The following LGR5 variants were observed in gnomAD, a reference collection of about 807,000 sequenced individuals.
The protein encoded by LGR5 is leucine rich repeat containing G protein-coupled receptor 5.
A neutral mutation model predicts 76.7 loss-of-function variants in LGR5; 54 were observed. That is an observed-to-expected ratio of 0.70 (90% CI 0.57 to 0.88). The LOEUF is 0.88. Ranked by LOEUF, LGR5 falls within the 40% of genes least tolerant of loss-of-function variation. The pLI is 0.00. For synonymous variants in LGR5, 406 were observed against 421.9 expected (o/e 0.96, Z 0.46); for missense variants, 1,078 against 1,073.3 (o/e 1.00, Z -0.06).
In LGR5 at chr12:71,458,814, G is replaced by A. The variant is rs577525349; in HGVS notation, c.212+18522G>A. 2.6e-5 allele frequency among the ~76,000 whole-genome samples: 4 copies of A among 152,048 alleles called. No individual in the cohort carries two copies. The East Asian group carries it at 7.7e-4, about 29-fold the overall frequency. On this transcript the variant is annotated intron_variant, in intron 1 of 17. Transcript: ENST00000266674. ...ATGTACACAATCCTTGCCTTTGTAT[G>A]GCAGCAGAAATTTTTTAAATGCATA...
At chr12:71,570,265 A>G (rs149789267) in intron 11 of LGR5, among the ~76,000 whole-genome samples, 1 of 152,308 alleles carries the variant, frequency 6.6e-6, no homozygotes, top group East Asian at 1.9e-4. Context: ...GCACACGTTT[A>G]CCTACGTAAC....
intron 1 of LGR5, among the ~76,000 whole-genome samples, chr12:71,464,655 C>T (rs904935491): frequency 4.6e-5 from 7 of 152,072 alleles, no homozygotes; most frequent in Admixed American, 4.6e-4. Flanking sequence ...GGGAAATAAT[C>T]GTAAGTCTAT....
chr12:71,576,225 G>T (rs1462524232), intron 13 of LGR5, among the ~76,000 whole-genome samples: 4 of 152,198 alleles, frequency 2.6e-5, no homozygotes, highest in African/African-American at 7.2e-5. Flanking sequence ...TGTCCTGCAC[G>T]TGTATCCTGG....
intron 1 of LGR5, among the ~76,000 whole-genome samples, chr12:71,452,652 C>T (rs569244704): frequency 2.0e-5 from 3 of 152,204 alleles, no homozygotes; most frequent in Admixed American, 1.3e-4. Flanking sequence ...CGTAGTTCCT[C>T]ATTTGACCCT....
intron 8 of LGR5, among the ~76,000 whole-genome samples, chr12:71,565,312 G>GGAGGTAATGAGCTTGCC (rs1203737641): frequency 1.3e-5 from 2 of 151,672 alleles, no homozygotes; most frequent in African/African-American, 2.4e-5. Context: ...TGAGGCTCTA[G>GGAGGTAATGAGCTTGCC]GAGGTAATGA....
intron 1 of LGR5, among the ~76,000 whole-genome samples, chr12:71,483,214 C>T (rs7306768): frequency 0.015 from 2,343 of 152,216 alleles, 66 homozygotes; most frequent in African/African-American, 0.053. Context: ...ACTGCTATTG[C>T]GTGTCTACTC....
At chr12:71,509,511 C>G (rs1181053397) in intron 2 of LGR5, among the ~76,000 whole-genome samples, 1 of 152,098 alleles carries the variant, frequency 6.6e-6, no homozygotes, top group East Asian at 1.9e-4. Context: ...CAGTATCTCT[C>G]CTCCTTCTAT....
At chr12:71,565,430 A>G (rs1359671572) in intron 8 of LGR5, among the ~76,000 whole-genome samples, 1 of 5,238 alleles carries the variant, frequency 1.9e-4, no homozygotes, top group African/African-American at 2.0e-4. Flanking sequence ...AGCTATATAT[A>G]TATATATATA....
chr12:71,497,084 T>G (rs978491283), intron 1 of LGR5, among the ~76,000 whole-genome samples: 15 of 151,734 alleles, frequency 9.9e-5, no homozygotes, highest in Non-Finnish European at 2.2e-4. Context: ...GAGGCCAAGG[T>G]GGGAGAATCA....
chr12:71,546,592 G>A (rs1429820006), intron 4 of LGR5, among the ~76,000 whole-genome samples: 1 of 151,908 alleles, frequency 6.6e-6, no homozygotes, highest in Non-Finnish European at 1.5e-5. Flanking sequence ...ATCTCTCATA[G>A]TAGGCCCTTC....
intron 3 of LGR5, among the ~76,000 whole-genome samples, chr12:71,533,650 C>T (rs753742134): frequency 2.6e-5 from 4 of 152,068 alleles, no homozygotes; most frequent in Non-Finnish European, 5.9e-5. Flanking sequence ...TTATTAGTTT[C>T]GAGAAAGGGC....
intron 1 of LGR5, chr12:71,441,760 G>GT (rs1316462748): frequency 5.9e-5 from 9 of 152,122 alleles, no homozygotes; most frequent in Admixed American, 2.0e-4. Flanking sequence ...TGTTAAAACT[G>GT]TTTCCCCACC....
chr12:71,528,183 C>T (rs1418021737), intron 3 of LGR5, among the ~76,000 whole-genome samples: 1 of 152,128 alleles, frequency 6.6e-6, no homozygotes, highest in African/African-American at 2.4e-5. Context: ...TAGCTGGGCA[C>T]GGTGGCTCAT....
At chr12:71,478,707 G>A (rs182358658) in intron 1 of LGR5, among the ~76,000 whole-genome samples, 1 of 152,230 alleles carries the variant, frequency 6.6e-6, no homozygotes, top group Admixed American at 6.5e-5. Context: ...TTTAAAGAAA[G>A]GGAATGTTTA....
intron 13 of LGR5, among the ~76,000 whole-genome samples, chr12:71,575,461 C>A (rs1878805885): frequency 1.3e-5 from 2 of 152,074 alleles, no homozygotes. Flanking sequence ...GTAATCCCAG[C>A]ACTTTGGGAG....
intron 1 of LGR5, among the ~76,000 whole-genome samples, chr12:71,461,909 C>G (rs1008177913): frequency 6.6e-6 from 1 of 152,124 alleles, no homozygotes; most frequent in Admixed American, 6.6e-5. Context: ...GGTAAATACT[C>G]CAAGAATCCA....
chr12:71,559,325 C>A (rs1385756129), intron 6 of LGR5, among the ~76,000 whole-genome samples: 1 of 152,202 alleles, frequency 6.6e-6, no homozygotes, highest in East Asian at 1.9e-4. Context: ...CCTGCACACT[C>A]CCTTTCTTTT....
At chr12:71,479,314 C>CA (rs1292140014) in intron 1 of LGR5, among the ~76,000 whole-genome samples, 5 of 152,072 alleles carry the variant, frequency 3.3e-5, no homozygotes, top group Non-Finnish European at 5.9e-5. Flanking sequence ...CCCAAACCTA[C>CA]AAAAAACATG....
chr12:71,580,748 G>A (rs1336781521), intron 16 of LGR5, among the ~76,000 whole-genome samples: 1 of 152,038 alleles, frequency 6.6e-6, no homozygotes, highest in East Asian at 1.9e-4. Flanking sequence ...TCCAAAGCAA[G>A]CTGAGCTGAG....
Sources: allele counts gnomAD v4.1 joint callset (sites outside exome capture counted in the v4.1 genomes callset), GRCh38; gene constraint gnomAD v4.1.1; transcripts MANE v1.5; gene names NCBI Gene and HGNC (gene_info 2026-07-23, HGNC 2026-07-21).